Variants in EXOSC9 observed in about 807,000 individuals in gnomAD.
The protein encoded by EXOSC9 is exosome complex component RRP45.
Under a neutral mutation model 56.5 loss-of-function variants are expected in EXOSC9, and 38 were observed. That is an observed-to-expected ratio of 0.67 (90% CI 0.52 to 0.88). EXOSC9 has a LOEUF of 0.88. Ranked by LOEUF, EXOSC9 falls within the 40% of genes least tolerant of loss-of-function variation. EXOSC9 has a pLI of 0.00. For missense variants in EXOSC9, 559 were observed against 530.5 expected (o/e 1.05, Z -0.53); for synonymous variants, 170 against 170.8 (o/e 0.99, Z 0.04).
chr4:121,813,018 C>T (rs535396301), intron 8 of EXOSC9, among the ~76,000 whole-genome samples: 36 of 152,246 alleles, frequency 2.4e-4, no homozygotes, highest in African/African-American at 8.7e-4. Flanking sequence ...AAGCACCTAG[C>T]ACATGGTCTG....
intron 6 of EXOSC9, among the ~76,000 whole-genome samples, chr4:121,808,096 G>GTT (rs892587366): frequency 6.6e-6 from 1 of 151,996 alleles, no homozygotes; most frequent in African/African-American, 2.4e-5. Context: ...GTTTTCCAGC[G>GTT]TTTTCATTAC....
At position 121,802,896 on chromosome 4, in the gene EXOSC9, T is replaced by A; in HGVS notation, c.282-19T>A. The A allele has an allele frequency of 6.2e-7, 1 of 1,611,252 alleles. No homozygotes were observed. The highest frequency in any genetic ancestry group is 8.5e-7 in the Non-Finnish European group (1 of 1,177,446). ...GTTATATTTCATGACATTAGCCCAT[T>A]CCTATTTTCTCCTTATAGGCAGTCA... On this transcript the variant is annotated intron_variant, in intron 3 of 11. Coordinates refer to ENST00000243498, the MANE Select transcript of EXOSC9 (RefSeq NM_005033.3).
chr4:121,802,073 C>CT, intron 2 of EXOSC9, 152 bp downstream of exon 2: 1 of 622,660 alleles, frequency 1.6e-6, no homozygotes, highest in Non-Finnish European at 2.8e-6. Context: ...AGATTTTTTG[C>CT]TTTTGTGGTC....
rs780697206 is a variant in EXOSC9 at position 121,809,859 on chromosome 4, T to A, written c.606-108T>A. The A allele has an allele frequency of 6.9e-6, 9 of 1,301,978 alleles. No individual in the cohort carries two copies. In the South Asian group the frequency reaches 9.6e-5, roughly 14 times the overall value. The allele number at this position is 1,301,978 out of a possible 1,614,324, so 80.7% of individuals were successfully genotyped here. ...TGACCCAAATCCGTAGGCTCAGACC[T>A]TTATTCTCTGTTGACTTTATTGATG... On this transcript the variant is annotated intron_variant, in intron 6 of 11. Transcript: ENST00000243498.
chr4:121,802,882 T>C, intron 3 of EXOSC9, 33 bp from the exon 4 acceptor site: 1 of 1,610,674 alleles, frequency 6.2e-7, no homozygotes, highest in South Asian at 1.1e-5. Flanking sequence ...TTATATTTCA[T>C]GACATTAGCC....
chr4:121,807,790 G>A (rs1042765233), intron 6 of EXOSC9, 168 bp downstream of exon 6: 3 of 606,418 alleles, frequency 4.9e-6, no homozygotes, highest in Admixed American at 3.0e-5. Flanking sequence ...AACTTTCTCA[G>A]TAGAAGTAAC....
At chr4:121,802,652 C>T in intron 2 of EXOSC9, 22 bp from the exon 3 acceptor site, 1 of 1,610,140 alleles carries the variant, frequency 6.2e-7, no homozygotes, top group Non-Finnish European at 8.5e-7. Context: ...TTGGTTAATA[C>T]TTTGTAACTT....
rs779628790 is a variant in EXOSC9 at position 121,801,377 on chromosome 4, C to T, written c.-48C>T. ...CGGCGCGCAAGGAAAGATCGGGTTC[C>T]GTTTTTCCCGCGGATTCTGGTGCCT... is the stretch of plus-strand genomic sequence containing the variant. On this transcript the variant is annotated 5_prime_UTR_variant, in exon 1 of 12. Coordinates refer to ENST00000243498, the MANE Select transcript of EXOSC9 (RefSeq NM_005033.3). 6.4e-6 allele frequency: 10 copies of T among 1,564,752 alleles called. No individual in the cohort carries two copies. Among genetic ancestry groups the T allele is most frequent in the Middle Eastern group, 1.7e-4 (1 of 5,972 alleles).
intron 10 of EXOSC9, chr4:121,814,494 T>A (rs1163519209): frequency 6.6e-6 from 1 of 152,434 alleles, no homozygotes; most frequent in Non-Finnish European, 1.5e-5. Flanking sequence ...TCCTCCCTGC[T>A]GTCTTTTTTT....
Position 121,810,101 on chromosome 4 carries a change from T to C in EXOSC9, c.738+2T>C. The C allele has an allele frequency of 6.2e-7, 1 of 1,612,166 alleles. No homozygotes were observed. The highest frequency in any genetic ancestry group is 8.5e-7 in the Non-Finnish European group (1 of 1,178,600). ...GGGATAATGCTACTAAAAGATCAAG[T>C]TAGTGCTTTGATTAATGTCCCATTA... On this transcript the variant is annotated splice_donor_variant, in intron 7 of 11. Coordinates refer to ENST00000243498, the MANE Select transcript of EXOSC9 (RefSeq NM_005033.3). LOFTEE classifies it high-confidence loss of function.
intron 5 of EXOSC9, among the ~76,000 whole-genome samples, chr4:121,806,484 G>GAA (rs112943154): frequency 4.2e-5 from 5 of 120,290 alleles, no homozygotes; most frequent in African/African-American, 9.2e-5. Context: ...CTTAAAATTA[G>GAA]AAAAAAAAAA....
rs767613036 is a variant in EXOSC9 at position 121,801,491 on chromosome 4, G to C, written c.66+1G>C. ...ACTCCGTGCCATCGAAGAGAAGAAGGTATGGTTTGGTGCCCGCAGAATTGC... is the reference window on the plus strand; with the variant it reads ...ACTCCGTGCCATCGAAGAGAAGAAGCTATGGTTTGGTGCCCGCAGAATTGC... On this transcript the variant is annotated splice_donor_variant, in intron 1 of 11. Coordinates refer to ENST00000243498, the MANE Select transcript of EXOSC9 (RefSeq NM_005033.3). LOFTEE classifies it high-confidence loss of function. 3.1e-6 allele frequency: 5 copies of C among 1,614,174 alleles called. No homozygotes were observed. The highest frequency in any genetic ancestry group is 4.2e-6 in the Non-Finnish European group (5 of 1,179,980).
Position 121,814,013 on chromosome 4 carries a change from C to T in EXOSC9, c.1122C>T (p.Asp374=), listed in dbSNP as rs1313384928. The T allele has an allele frequency of 6.2e-7, 1 of 1,613,600 alleles. No individual in the cohort carries two copies. The highest frequency in any genetic ancestry group is 1.1e-5 in the South Asian group (1 of 91,064). The change falls in exon 10 of 12, where the codon GAC becomes GAT. Residue 374 remains aspartate (D), a synonymous_variant. Transcript: ENST00000243498. ...QAIILDGIKM[D]TGVEVSDIGS... is the part of the protein sequence containing the mutation. ...TCATTCTTGATGGTATAAAAATGGA[C>T]ACTGGAGTAGAAGTCTCTGATATTG...
At chr4:121,815,351 G>T in intron 10 of EXOSC9, 14 of 977,906 alleles carry the variant, frequency 1.4e-5, no homozygotes, top group Non-Finnish European at 1.7e-5. Flanking sequence ...TTTGTTTAGT[G>T]TATTCTTCTA....
chr4:121,810,152 C>A, intron 7 of EXOSC9, 53 bp downstream of exon 7: 1 of 1,521,976 alleles, frequency 6.6e-7, no homozygotes, highest in Non-Finnish European at 9.1e-7. Flanking sequence ...TCTTTAGATG[C>A]TTTTTCTTGT....
chr4:121,804,828 T>G, intron 5 of EXOSC9, 69 bp downstream of exon 5: 7 of 1,345,012 alleles, frequency 5.2e-6, no homozygotes, highest in Admixed American at 2.5e-5. Context: ...TGCAGGCAAC[T>G]TGTTTTTAGT....
At chr4:121,815,772 G>A in intron 10 of EXOSC9, 1 of 1,000,034 alleles carries the variant, frequency 1.0e-6, no homozygotes, top group Non-Finnish European at 1.2e-6. Flanking sequence ...GAGGAATAGA[G>A]TAGCACAAAC....
intron 10 of EXOSC9, chr4:121,815,262 TTC>T (rs1037052873): frequency 4.9e-5 from 29 of 592,972 alleles, no homozygotes; most frequent in Non-Finnish European, 5.7e-5. Flanking sequence ...GGTTTAACAA[TTC>T]TCTTATTGTT....
intron 9 of EXOSC9, 73 bp downstream of exon 9, chr4:121,813,453 G>A: frequency 7.6e-7 from 1 of 1,318,206 alleles, no homozygotes; most frequent in East Asian, 2.3e-5. Context: ...GCTATATGAA[G>A]GATGTGTATA....
Sources: gnomAD v4.1 joint callset for allele counts (sites outside exome capture counted in the v4.1 genomes callset) on GRCh38, gnomAD v4.1.1 for gene constraint, MANE v1.5 for transcripts, NCBI Gene and HGNC (gene_info 2026-07-23, HGNC 2026-07-21) for gene names.